Variants in GDI2 observed in about 807,000 individuals in gnomAD.
GDI2 encodes the protein rab GDP dissociation inhibitor beta.
In GDI2, 22 loss-of-function variants were observed where a neutral mutation model predicts 54.2. That is an observed-to-expected ratio of 0.41 (90% CI 0.29 to 0.58). The LOEUF (loss-of-function observed/expected upper bound fraction) is 0.58, where lower values mean the gene tolerates loss of function less well. GDI2 is among the 20% of genes least tolerant of loss of function. GDI2 has a pLI of 0.35. For missense variants in GDI2, 422 were observed against 546.0 expected, an observed-to-expected ratio of 0.77 and a Z score of 2.26; for synonymous variants, 177 against 182.1, an observed-to-expected ratio of 0.97 and a Z score of 0.23.
At chr10:5,810,517 TGA>T (rs1841462733) in intron 1 of GDI2, among the ~76,000 whole-genome samples, 1 of 152,184 alleles carries the variant, frequency 6.6e-6, no homozygotes, top group Non-Finnish European at 1.5e-5. Flanking sequence ...AAGAGTAAAC[TGA>T]AGAGCTCAAA....
intron 1 of GDI2, chr10:5,811,805 A>G (rs1449984141): frequency 2.4e-6 from 1 of 408,840 alleles, no homozygotes; most frequent in Non-Finnish European, 4.7e-6. Context: ...AATATTCTCT[A>G]ATAATTGCAT....
intron 2 of GDI2, among the ~76,000 whole-genome samples, chr10:5,798,612 C>T (rs1221827634): frequency 6.6e-6 from 1 of 150,782 alleles, no homozygotes; most frequent in East Asian, 1.9e-4. Context: ...AGAAAAAATT[C>T]ATGACTCCCT....
chr10:5,788,628 A>G (rs1840930904), intron 4 of GDI2, among the ~76,000 whole-genome samples: 1 of 152,232 alleles, frequency 6.6e-6, no homozygotes, highest in African/African-American at 2.4e-5. Context: ...ATGTTTTAAG[A>G]AAGTTAACAA....
rs147141892 is a variant in GDI2, at chr10:5,767,436, C to T, written c.991+777G>A. Among the ~76,000 whole-genome samples, 95 of 152,284 alleles carry T rather than the reference C, an allele frequency of 6.2e-4. 2 individuals carry two copies. In the East Asian group the frequency reaches 0.013, roughly 20 times the overall value. On this transcript the variant is annotated intron_variant, in intron 8 of 10. Coordinates refer to ENST00000380191, the MANE Select transcript of GDI2 (RefSeq NM_001494.4). The stretch of plus-strand genomic sequence containing the variant: ...AAGTGATCCTCTCCCACCGCAGCCT[C>T]CCAAGTAGCTAGGACTACAGGTGTG...
In GDI2 at chr10:5,768,430, G is replaced by A. The variant is rs1302537709; in HGVS notation, c.820-46C>T. On this transcript the variant is annotated intron_variant, in intron 7 of 10. Coordinates refer to ENST00000380191, the MANE Select transcript of GDI2 (RefSeq NM_001494.4). This position sits in a 1 kb window ranked among gnomAD's most constrained non-coding sequence, Gnocchi z 4.4. ...AGACACTGAAGCGGACAAGGATATA[G>A]GGAAACACATCCCATGTTCATAGTT... The A allele has an allele frequency of 3.9e-5, 47 of 1,206,150 alleles. No homozygotes were observed. Among genetic ancestry groups the A allele is most frequent in the Non-Finnish European group, 5.8e-5 (47 of 816,546 alleles). The allele number at this position is 1,206,150 out of a possible 1,614,324, so 74.7% of individuals were successfully genotyped here.
At chr10:5,808,151 A>C (rs1035677573) in intron 1 of GDI2, among the ~76,000 whole-genome samples, 3 of 152,130 alleles carry the variant, frequency 2.0e-5, no homozygotes, top group African/African-American at 7.2e-5. Flanking sequence ...AGCCTGGACA[A>C]CATGGCAAAA....
At chr10:5,785,354 T>C in intron 5 of GDI2, 81 bp from the exon 6 acceptor site, 1 of 1,024,530 alleles carries the variant, frequency 9.8e-7, no homozygotes, top group Non-Finnish European at 1.4e-6. Context: ...TTTGAAGCGA[T>C]TTCAATCCGC....
intron 1 of GDI2, among the ~76,000 whole-genome samples, chr10:5,808,066 G>A (rs1040009205): frequency 6.6e-6 from 1 of 152,212 alleles, no homozygotes; most frequent in Non-Finnish European, 1.5e-5. Context: ...GCTGGGCAAG[G>A]TGGCTCACGC....
chr10:5,802,136 G>A (rs927082917), intron 1 of GDI2, among the ~76,000 whole-genome samples: 9 of 152,184 alleles, frequency 5.9e-5, no homozygotes, highest in Admixed American at 4.6e-4. Flanking sequence ...CCACTGATCT[G>A]TAAGCTGAAC....
At chr10:5,783,855 T>C (rs1340677534) in intron 6 of GDI2, among the ~76,000 whole-genome samples, 3 of 152,234 alleles carry the variant, frequency 2.0e-5, no homozygotes, top group African/African-American at 7.2e-5. Flanking sequence ...GGCTTTTGAC[T>C]CACAGCTCTT....
In GDI2 at chr10:5,765,748, ATGTT is replaced by A. The variant is rs931390960; in HGVS notation, c.*254_*257del. On this transcript the variant is annotated 3_prime_UTR_variant, in exon 11 of 11. Coordinates refer to ENST00000380191, the MANE Select transcript of GDI2 (RefSeq NM_001494.4). ...TCAAGTTGTCTGTGTCGGTATCCCA[ATGTT>A]TGTTTAACTTCACTAGAAAAAAAAA... 7 of 380,902 alleles carry A rather than the reference ATGTT, an allele frequency of 1.8e-5. No individual in the cohort carries two copies. The highest frequency in any genetic ancestry group is 1.3e-4 in the African/African-American group (5 of 39,512). The allele number at this position is 380,902 out of a possible 1,614,324, so 23.6% of individuals were successfully genotyped here.
rs1257128377 is a variant in GDI2, at chr10:5,770,090, C to A, written c.820-1706G>T. Among the ~76,000 whole-genome samples the A allele has an allele frequency of 4.6e-5, 7 of 152,272 alleles. No homozygotes were observed. The East Asian group carries it at 1.3e-3, about 29-fold the overall frequency. ...TGACACATGCTACAACACAGATGAA[C>A]CATGGACATCATGCTAAGTGAAATA... On this transcript the variant is annotated intron_variant, in intron 7 of 10. Transcript: ENST00000380191.
intron 1 of GDI2, among the ~76,000 whole-genome samples, chr10:5,807,234 T>C (rs1841396399): frequency 6.6e-6 from 1 of 152,232 alleles, no homozygotes. Flanking sequence ...CTGGGCACAG[T>C]ATATATTAAT....
intron 1 of GDI2, among the ~76,000 whole-genome samples, chr10:5,808,687 T>C (rs1405121413): frequency 2.2e-5 from 3 of 137,914 alleles, no homozygotes; most frequent in Non-Finnish European, 4.6e-5. Context: ...ATAAAAAGTA[T>C]TGTTGTTATT....
Position 5,768,440 on chromosome 10 carries a change from TC to T in GDI2, c.820-57del. 1 of 1,104,968 alleles carries T rather than the reference TC, an allele frequency of 9.1e-7. No homozygotes were observed. Among genetic ancestry groups the T allele is most frequent in the African/African-American group, 1.5e-5 (1 of 64,940 alleles). The allele number at this position is 1,104,968 out of a possible 1,614,324, so 68.4% of individuals were successfully genotyped here. ...GCGGACAAGGATATAGGGAAACACA[TC>T]CCATGTTCATAGTTTGGAAGACTTA... On this transcript the variant is annotated intron_variant, in intron 7 of 10. Coordinates refer to ENST00000380191, the MANE Select transcript of GDI2 (RefSeq NM_001494.4). The surrounding 1 kb of genome is among the most constrained non-coding windows in gnomAD (Gnocchi z 4.4).
At chr10:5,804,089 ATTCT>A (rs550066679) in intron 1 of GDI2, among the ~76,000 whole-genome samples, 28 of 91,400 alleles carry the variant, frequency 3.1e-4, no homozygotes, top group African/African-American at 8.6e-4. Flanking sequence ...AGTGTGAATC[ATTCT>A]TTCTTTTTTT....
intron 4 of GDI2, among the ~76,000 whole-genome samples, chr10:5,788,095 G>T (rs1168266075): frequency 6.6e-6 from 1 of 152,118 alleles, no homozygotes; most frequent in Admixed American, 6.5e-5. Flanking sequence ...ATGAGAACCA[G>T]ATATAATTGT....
intron 1 of GDI2, among the ~76,000 whole-genome samples, chr10:5,801,074 CTTGAG>C (rs1335139236): frequency 2.0e-5 from 3 of 152,046 alleles, no homozygotes; most frequent in African/African-American, 7.2e-5. Flanking sequence ...GCCTCAGCCT[CTTGAG>C]TAAGTGGGAT....
rs981702462 is a variant in GDI2, at chr10:5,765,707, G to T, written c.*299C>A. On this transcript the variant is annotated 3_prime_UTR_variant, in exon 11 of 11. Coordinates refer to ENST00000380191, the MANE Select transcript of GDI2 (RefSeq NM_001494.4). ...CAGCACATAGCTACACTGATTAAAAGATTAAAAAAACTGTCTCAAGTTGTC... is the reference window on the plus strand; with the variant it reads ...CAGCACATAGCTACACTGATTAAAATATTAAAAAAACTGTCTCAAGTTGTC... The T allele has an allele frequency of 1.6e-5, 5 of 306,740 alleles. No homozygotes were observed. The highest frequency in any genetic ancestry group is 3.0e-5 in the Non-Finnish European group (5 of 168,332). The allele number at this position is 306,740 out of a possible 1,614,324, so 19.0% of individuals were successfully genotyped here. A position where few individuals can be genotyped will look rare whatever the true frequency, so the allele number is the denominator to read the frequency against.
Sources: allele counts gnomAD v4.1 joint callset (sites outside exome capture counted in the v4.1 genomes callset), GRCh38; gene constraint gnomAD v4.1.1; non-coding constraint Gnocchi (gnomAD v3.1); transcripts MANE v1.5; gene names NCBI Gene and HGNC (gene_info 2026-07-23, HGNC 2026-07-21).